The following SLC44A5 variants were observed in gnomAD, a reference collection of about 807,000 sequenced individuals.
SLC44A5 encodes solute carrier family 44 member 5.
SLC44A5 carries 57 observed loss-of-function variants against 101.8 expected under a neutral mutation model. That is an observed-to-expected ratio of 0.56 (90% CI 0.45 to 0.70). The LOEUF is 0.70. Ranked by LOEUF, SLC44A5 falls within the 30% of genes least tolerant of loss-of-function variation. The pLI is 0.00. For synonymous variants in SLC44A5, 281 were observed against 290.9 expected (o/e 0.97, Z 0.35); for missense variants, 737 against 853.1 (o/e 0.86, Z 1.70).
At chr1:75,481,096 G>T (rs1284842172) in intron 2 of SLC44A5, among the ~76,000 whole-genome samples, 1 of 152,060 alleles carries the variant, frequency 6.6e-6, no homozygotes, top group Non-Finnish European at 1.5e-5. Context: ...CAGAAGTAAC[G>T]CCACATATCT....
chr1:75,276,528 CTTAA>C lies in SLC44A5; in HGVS notation c.176-1490_176-1487del, dbSNP rs75019463. 5.6e-3 allele frequency among the ~76,000 whole-genome samples: 851 copies of C among 152,092 alleles called. 17 individuals carry two copies. Among genetic ancestry groups the C allele is most frequent in the Admixed American group, 0.041 (617 of 15,232 alleles). ...TGTTAGATTTTCCCTGAGTGAGTCA[CTTAA>C]TTATTTTGAGTCCTGACTTTCTAAT... On this transcript the variant is annotated intron_variant, in intron 5 of 23. Coordinates refer to ENST00000370859, the MANE Select transcript of SLC44A5 (RefSeq NM_001130058.2).
intron 7 of SLC44A5, among the ~76,000 whole-genome samples, chr1:75,248,093 G>A (rs1649268288): frequency 6.6e-6 from 1 of 152,028 alleles, no homozygotes; most frequent in African/African-American, 2.4e-5. Context: ...TGACAGATAA[G>A]TAAAATGTTT....
At chr1:75,697,922 A>G in the SLC44A5 span, among the ~76,000 whole-genome samples, 1 of 152,304 alleles carries the variant, frequency 6.6e-6, no homozygotes, top group East Asian at 1.9e-4. Context: ...GTCACTCCCA[A>G]CCGAATACTG....
chr1:75,571,071 A>C (rs542858319), intron 1 of SLC44A5, among the ~76,000 whole-genome samples: 50 of 152,282 alleles, frequency 3.3e-4, no homozygotes, highest in East Asian at 1.9e-3. Context: ...ACTAGTAGAA[A>C]AATGGCTCCA....
At chr1:75,571,089 C>T (rs189868477) in intron 1 of SLC44A5, among the ~76,000 whole-genome samples, 1 of 152,226 alleles carries the variant, frequency 6.6e-6, no homozygotes, top group African/African-American at 2.4e-5. Flanking sequence ...CCACCACAAG[C>T]GCTAATAATC....
At chr1:75,419,520 A>AAT (rs35423724) in intron 2 of SLC44A5, among the ~76,000 whole-genome samples, 3 of 151,812 alleles carry the variant, frequency 2.0e-5, no homozygotes, top group Non-Finnish European at 2.9e-5. Context: ...GGAAAAAAAA[A>AAT]CTTTCAAAAA....
At chr1:75,425,584 T>C (rs537338337) in intron 2 of SLC44A5, among the ~76,000 whole-genome samples, 2 of 152,316 alleles carry the variant, frequency 1.3e-5, no homozygotes, top group South Asian at 2.1e-4. Flanking sequence ...GCCAACTTAA[T>C]TAAGAAACTT....
chr1:75,300,713 TA>T, intron 4 of SLC44A5, 28 bp from the exon 5 acceptor site: 1 of 1,485,778 alleles, frequency 6.7e-7, no homozygotes, highest in South Asian at 1.3e-5. Context: ...AATAAATAAT[TA>T]AAAGAGGTCC....
chr1:75,218,493 A>G lies in SLC44A5; in HGVS notation c.1526T>C (p.Ile509Thr). 6.2e-7 allele frequency: 1 copy of G among 1,613,618 alleles called. No homozygotes were observed. Among genetic ancestry groups the G allele is most frequent in the Non-Finnish European group, 8.5e-7 (1 of 1,179,580 alleles). The change falls in exon 17 of 24, where the codon ATA (isoleucine) becomes ACA (threonine). Residue 509 changes from isoleucine to threonine, a missense_variant. Ile to Thr is a moderately conservative substitution (Grantham distance 89). Around this residue, in one of 3 missense-constraint regions of SLC44A5, gnomAD observed 665 missense variants for 764.4 expected, o/e 0.87. Transcript: ENST00000370859. ...YPLFTAFGRAIRYHTGSLAFG... is the reference protein window; with the variant it reads ...YPLFTAFGRATRYHTGSLAFG... Reference sequence around the variant, plus strand: ...TAGGCTTCAACTTGAAACTTACCGTATGGCTCGTCCAAATGCAGTAAAAAG... The same window carrying G: ...TAGGCTTCAACTTGAAACTTACCGTGTGGCTCGTCCAAATGCAGTAAAAAG...
intron 2 of SLC44A5, among the ~76,000 whole-genome samples, chr1:75,496,558 ATT>A (rs200342487): frequency 6.6e-6 from 1 of 150,908 alleles, no homozygotes; most frequent in East Asian, 1.9e-4. Context: ...CTTGATGAAG[ATT>A]TTTTTTTGCA....
At chr1:75,678,946 C>T in the SLC44A5 span, among the ~76,000 whole-genome samples, 5 of 152,016 alleles carry the variant, frequency 3.3e-5, no homozygotes, top group African/African-American at 4.8e-5. Context: ...AACGAAGGCT[C>T]GAGAACTACG....
intron 2 of SLC44A5, among the ~76,000 whole-genome samples, chr1:75,469,074 A>C (rs1158009166): frequency 6.6e-6 from 1 of 152,222 alleles, no homozygotes; most frequent in Non-Finnish European, 1.5e-5. Context: ...AGATGAAATT[A>C]ATTTTAATAA....
intron 2 of SLC44A5, among the ~76,000 whole-genome samples, chr1:75,478,871 G>A (rs1436957749): frequency 6.6e-6 from 1 of 152,112 alleles, no homozygotes; most frequent in Non-Finnish European, 1.5e-5. Context: ...GGATACCCAG[G>A]AATTGAACTC....
chr1:75,688,867 A>G, the SLC44A5 span, among the ~76,000 whole-genome samples: 1 of 152,178 alleles, frequency 6.6e-6, no homozygotes, highest in Non-Finnish European at 1.5e-5. Context: ...TTCTCTGTTC[A>G]AAAACTAAAT....
At chr1:75,281,636 G>C (rs1393645551) in intron 5 of SLC44A5, among the ~76,000 whole-genome samples, 4 of 49,484 alleles carry the variant, frequency 8.1e-5, no homozygotes, top group African/African-American at 1.7e-4. Context: ...CTGGTGCCAG[G>C]CCCCCCCCCC....
intron 6 of SLC44A5, among the ~76,000 whole-genome samples, chr1:75,252,645 C>G (rs561200971): frequency 6.6e-6 from 1 of 152,226 alleles, no homozygotes; most frequent in African/African-American, 2.4e-5. Context: ...AGGGGTAGAC[C>G]AACATCTCAT....
chr1:75,371,142 G>A (rs990567393), intron 3 of SLC44A5, among the ~76,000 whole-genome samples: 1 of 152,152 alleles, frequency 6.6e-6, no homozygotes, highest in African/African-American at 2.4e-5. Flanking sequence ...ATCTCTTTAC[G>A]TGCAGCAAGG....
chr1:75,325,523 AGTT>A (rs10538156), intron 4 of SLC44A5, among the ~76,000 whole-genome samples: 11,899 of 152,082 alleles, frequency 0.078, 1,585 homozygotes, highest in African/African-American at 0.27. Flanking sequence ...GGTCAACTGT[AGTT>A]AGAAAATTGG....
intron 3 of SLC44A5, among the ~76,000 whole-genome samples, chr1:75,349,410 G>C (rs1315144093): frequency 6.6e-6 from 1 of 152,182 alleles, no homozygotes; most frequent in African/African-American, 2.4e-5. Context: ...TGTTCTAACA[G>C]ATATCAAATC....
Sources: allele counts gnomAD v4.1 joint callset (sites outside exome capture counted in the v4.1 genomes callset), GRCh38; gene constraint gnomAD v4.1.1; regional missense constraint gnomAD v4.1.1; transcripts MANE v1.5; gene names NCBI Gene and HGNC (gene_info 2026-07-23, HGNC 2026-07-21).